PDE6A: variants seen among roughly 807,000 people sequenced by gnomAD.
The protein encoded by PDE6A is phosphodiesterase 6A, also known as rod cGMP-specific 3',5'-cyclic phosphodiesterase subunit alpha.
Under a neutral mutation model 106.3 loss-of-function variants are expected in PDE6A, and 84 were observed. That is an observed-to-expected ratio of 0.79 (90% CI 0.66 to 0.95). The LOEUF (loss-of-function observed/expected upper bound fraction) is 0.95, where lower values mean the gene tolerates loss of function less well. PDE6A is among the 40% of genes least tolerant of loss of function. The probability of loss-of-function intolerance (pLI) is 0.00; values close to 1 mark genes in which losing one functional copy is unlikely to be tolerated. For synonymous variants in PDE6A, 394 were observed against 386.6 expected, an observed-to-expected ratio of 1.02 and a Z score of -0.23; for missense variants, 1,052 against 1,084.9, an observed-to-expected ratio of 0.97 and a Z score of 0.43.
rs1374741326 is a variant in PDE6A, at chr5:149,944,463, T to G, written c.211A>C (p.Asn71His). 6.2e-7 allele frequency: 1 copy of G among 1,614,068 alleles called. No homozygotes were observed. The highest frequency in any genetic ancestry group is 8.5e-7 in the Non-Finnish European group (1 of 1,180,022). Residue 71 changes from asparagine (N) to histidine (H), a missense_variant, in exon 1 of 22, where the codon AAT becomes CAT. By Grantham distance (68) the Asn-to-His change is moderately conservative. Around this residue, in one of 3 missense-constraint regions of PDE6A, gnomAD observed 913 missense variants for 915.2 expected, o/e 1.00. Coordinates refer to ENST00000255266, the MANE Select transcript of PDE6A (RefSeq NM_000440.3). The stretch of plus-strand genomic sequence containing the variant: ...AAGATGCATTTCTCTGTCTGTAAAT[T>G]CTCCTGAAAGTCCCGCAGGAGATCA... ...IFDLLRDFQE[N>H]LQTEKCIFNV...
intron 21 of PDE6A, among the ~76,000 whole-genome samples, chr5:149,861,757 T>G (rs566670436): frequency 7.2e-5 from 11 of 152,266 alleles, no homozygotes; most frequent in Non-Finnish European, 8.8e-5. Context: ...TTGGTACTGA[T>G]TCTCTAGCTA....
intron 17 of PDE6A, among the ~76,000 whole-genome samples, chr5:149,878,846 T>TA (rs1313289824): frequency 6.6e-6 from 1 of 152,208 alleles, no homozygotes; most frequent in Non-Finnish European, 1.5e-5. Context: ...CCTGGAATCA[T>TA]ATTAACACTT....
At position 149,895,220 on chromosome 5, in the gene PDE6A, C is replaced by T. The variant is rs747136303; in HGVS notation, c.1691G>A (p.Gly564Asp). 1 of 1,614,076 alleles carries T rather than the reference C, an allele frequency of 6.2e-7. No individual in the cohort carries two copies. The highest frequency in any genetic ancestry group is 8.5e-7 in the Non-Finnish European group (1 of 1,179,916). The change falls in exon 13 of 22, where the codon GGC (glycine) becomes GAC (aspartate). Residue 564 changes from glycine (G) to aspartate (D), a missense_variant. Gly to Asp is a moderately conservative substitution (Grantham distance 94). This residue lies in a region of PDE6A where 913 missense variants were observed against 915.2 expected (regional missense o/e 1.00). Coordinates refer to ENST00000255266, the MANE Select transcript of PDE6A (RefSeq NM_000440.3). ...RKITYHNWRH[G>D]FNVGQTMFSL... ...GAACATGGTCTGCCCCACGTTGAAG[C>T]CGTGCCGCCAGTTGTGGTAGGTGAT...
intron 13 of PDE6A, among the ~76,000 whole-genome samples, chr5:149,890,573 C>T (rs962859191): frequency 4.2e-4 from 64 of 152,084 alleles, no homozygotes; most frequent in Admixed American, 3.3e-3. Context: ...ATGTTTGCAA[C>T]GGAAATAACC....
At chr5:149,901,612 A>G (rs1752983970) in intron 8 of PDE6A, among the ~76,000 whole-genome samples, 1 of 152,216 alleles carries the variant, frequency 6.6e-6, no homozygotes, top group African/African-American at 2.4e-5. Flanking sequence ...GAGGAAGACC[A>G]GAATCTAAAA....
chr5:149,903,918 A>G (rs1309712990), intron 7 of PDE6A, among the ~76,000 whole-genome samples: 1 of 152,214 alleles, frequency 6.6e-6, no homozygotes, highest in African/African-American at 2.4e-5. Context: ...CCACTCTTGA[A>G]TCATTTCTAA....
At chr5:149,885,824 C>T (rs916106065) in intron 14 of PDE6A, among the ~76,000 whole-genome samples, 6 of 152,182 alleles carry the variant, frequency 3.9e-5, no homozygotes, top group African/African-American at 1.2e-4. Flanking sequence ...GAGGAGAATC[C>T]GTTTCCTTGC....
chr5:149,893,223 C>T (rs115955715), intron 13 of PDE6A, among the ~76,000 whole-genome samples: 12 of 152,290 alleles, frequency 7.9e-5, no homozygotes, highest in Non-Finnish European at 1.3e-4. Context: ...CCATTGGACG[C>T]GACCATACCA....
At chr5:149,912,871 G>A (rs908971258) in intron 6 of PDE6A, among the ~76,000 whole-genome samples, 1 of 152,098 alleles carries the variant, frequency 6.6e-6, no homozygotes, top group Non-Finnish European at 1.5e-5. Context: ...GGACTGGGTG[G>A]TAGGCAACAA....
chr5:149,920,974 G>GAAAGAAAGAAAGAAAGAAAGAA, intron 5 of PDE6A, among the ~76,000 whole-genome samples: 1 of 131,102 alleles, frequency 7.6e-6, no homozygotes, highest in South Asian at 2.3e-4. Context: ...AAGAAAGAAA[G>GAAAGAAAGAAAGAAAGAAAGAA]AAAGAAAGAA....
chr5:149,877,955 G>C (rs191925908), intron 17 of PDE6A, among the ~76,000 whole-genome samples: 1 of 152,158 alleles, frequency 6.6e-6, no homozygotes, highest in Non-Finnish European at 1.5e-5. Context: ...TCCTGGAGCC[G>C]ATCCCCTGAG....
intron 4 of PDE6A, among the ~76,000 whole-genome samples, chr5:149,923,954 G>A (rs1418435288): frequency 6.6e-6 from 1 of 152,138 alleles, no homozygotes; most frequent in East Asian, 1.9e-4. Flanking sequence ...AAGCAGAAGG[G>A]AAGCCACATG....
In PDE6A at chr5:149,928,718, G is replaced by A. The variant is rs1753943085; in HGVS notation, c.858+2310C>T. ...TCATTGATCAAAATGTTGTTATATGGTGTGTGACTGTATTTGCAATGCATG... is the reference window on the plus strand; with the variant it reads ...TCATTGATCAAAATGTTGTTATATGATGTGTGACTGTATTTGCAATGCATG... On this transcript the variant is annotated intron_variant, in intron 4 of 21. Coordinates refer to ENST00000255266, the MANE Select transcript of PDE6A (RefSeq NM_000440.3). 2.0e-5 allele frequency among the ~76,000 whole-genome samples: 3 copies of A among 152,234 alleles called. No individual in the cohort carries two copies. In the South Asian group the frequency reaches 6.2e-4, roughly 32 times the overall value.
chr5:149,882,929 G>C (rs998190212), intron 17 of PDE6A, among the ~76,000 whole-genome samples: 2 of 152,104 alleles, frequency 1.3e-5, no homozygotes, highest in African/African-American at 4.8e-5. Context: ...GTGGTGGTGG[G>C]TGACTGTAAT....
intron 4 of PDE6A, among the ~76,000 whole-genome samples, chr5:149,922,889 T>C (rs1348205932): frequency 1.3e-5 from 2 of 152,176 alleles, no homozygotes; most frequent in African/African-American, 2.4e-5. Context: ...CATGTAATAA[T>C]TTGAGCTCCT....
At chr5:149,887,642 C>G (rs1404015182) in intron 13 of PDE6A, among the ~76,000 whole-genome samples, 1 of 152,020 alleles carries the variant, frequency 6.6e-6, no homozygotes, top group Non-Finnish European at 1.5e-5. Flanking sequence ...GGGTTTGGGT[C>G]GGGAGAAACA....
intron 4 of PDE6A, among the ~76,000 whole-genome samples, chr5:149,923,278 A>T (rs1007327678): frequency 6.6e-6 from 1 of 152,078 alleles, no homozygotes; most frequent in Non-Finnish European, 1.5e-5. Context: ...CGGATGGATC[A>T]CTTGAGCCCA....
In PDE6A at chr5:149,859,732, C is replaced by G. The variant is rs1176576964; in HGVS notation, c.*1163G>C. 2.6e-5 allele frequency: 4 copies of G among 152,278 alleles called. No homozygotes were observed. Among genetic ancestry groups the G allele is most frequent in the Non-Finnish European group, 5.9e-5 (4 of 68,132 alleles). 9.4% of individuals were successfully genotyped at this position (152,278 alleles called of 1,614,324 possible). ...ACAGCACTCAAAGCTGGTGGGGTCCCAAGTCCTTTGCTGAAGCTTGGGGTC... is the reference window on the plus strand; with the variant it reads ...ACAGCACTCAAAGCTGGTGGGGTCCGAAGTCCTTTGCTGAAGCTTGGGGTC... On this transcript the variant is annotated 3_prime_UTR_variant, in exon 22 of 22. Transcript: ENST00000255266.
At chr5:149,865,877 C>T (rs1480492078) in intron 20 of PDE6A, among the ~76,000 whole-genome samples, 2 of 152,222 alleles carry the variant, frequency 1.3e-5, no homozygotes, top group Non-Finnish European at 2.9e-5. Context: ...AGCTAGGGAA[C>T]TTAGAAGGAC....
Sources: allele counts gnomAD v4.1 joint callset (sites outside exome capture counted in the v4.1 genomes callset), GRCh38; gene constraint gnomAD v4.1.1; regional missense constraint gnomAD v4.1.1; transcripts MANE v1.5; gene names NCBI Gene and HGNC (gene_info 2026-07-23, HGNC 2026-07-21).